DAB1: variants seen among roughly 807,000 people sequenced by gnomAD.
The protein encoded by DAB1 is DAB adaptor protein 1, also known as disabled homolog 1.
A neutral mutation model predicts 64.6 loss-of-function variants in DAB1; 15 were observed. The observed-to-expected ratio is 0.23, with a 90% CI of 0.16 to 0.36. DAB1 has a LOEUF of 0.36. Among genes scored for constraint, DAB1 ranks in the 10% least tolerant of loss-of-function variants. DAB1 has a pLI of 1.00. For synonymous variants in DAB1, 235 were observed against 251.9 expected (o/e 0.93, Z 0.64); for missense variants, 596 against 706.7 (o/e 0.84, Z 1.78).
intron 7 of DAB1, among the ~76,000 whole-genome samples, chr1:57,645,023 A>T (rs1646175680): frequency 1.3e-5 from 2 of 152,184 alleles, no homozygotes; most frequent in African/African-American, 4.8e-5. Context: ...CTGAAGGAGA[A>T]TCCAGGGAGG....
chr1:57,567,680 G>A (rs1446610849), intron 7 of DAB1, among the ~76,000 whole-genome samples: 2 of 152,234 alleles, frequency 1.3e-5, no homozygotes, highest in East Asian at 1.9e-4. Flanking sequence ...ATTCACAATT[G>A]CTTAAAGAGA....
chr1:57,662,810 T>C (rs1317942390), intron 6 of DAB1, among the ~76,000 whole-genome samples: 1 of 152,204 alleles, frequency 6.6e-6, no homozygotes, highest in Non-Finnish European at 1.5e-5. Flanking sequence ...AGATCACCTA[T>C]GGGAAATGCA....
chr1:58,278,122 C>A (rs931136270), intron 4 of DAB1, among the ~76,000 whole-genome samples: 2 of 152,210 alleles, frequency 1.3e-5, no homozygotes, highest in Non-Finnish European at 2.9e-5. Flanking sequence ...ATAATCCCCA[C>A]ATGTCGAGGG....
chr1:57,071,379 T>C, intron 6 of DAB1, 143 bp downstream of exon 6: 1 of 964,038 alleles, frequency 1.0e-6, no homozygotes, highest in Middle Eastern at 2.3e-4. Context: ...AATGGCTTGC[T>C]TTGGGTCCTG....
chr1:58,430,298 C>A (rs545296573), intron 3 of DAB1, among the ~76,000 whole-genome samples: 1 of 152,324 alleles, frequency 6.6e-6, no homozygotes, highest in South Asian at 2.1e-4. Flanking sequence ...ACTCAATAAG[C>A]TGTCTTGACA....
At chr1:57,724,125 T>C (rs1647180475) in intron 6 of DAB1, among the ~76,000 whole-genome samples, 1 of 152,036 alleles carries the variant, frequency 6.6e-6, no homozygotes, top group Non-Finnish European at 1.5e-5. Context: ...TTGTTGGTGG[T>C]AGTTCATTCT....
chr1:58,535,628 C>A (rs6667614), intron 1 of DAB1, among the ~76,000 whole-genome samples: 86,314 of 148,664 alleles, frequency 0.58, 27,290 homozygotes, highest in East Asian at 0.82. Context: ...TTCAGCCATG[C>A]CAAAGCTGTC....
At chr1:57,714,717 T>G (rs1557439099) in intron 6 of DAB1, among the ~76,000 whole-genome samples, 1 of 152,156 alleles carries the variant, frequency 6.6e-6, no homozygotes, top group African/African-American at 2.4e-5. Flanking sequence ...CATAAGGAAC[T>G]TTGTGTGTAC....
chr1:57,809,079 T>C (rs918436973), intron 6 of DAB1, among the ~76,000 whole-genome samples: 3 of 152,226 alleles, frequency 2.0e-5, no homozygotes, highest in Admixed American at 2.0e-4. Flanking sequence ...ATAAATGCAA[T>C]TTAATGCCCT....
intron 1 of DAB1, among the ~76,000 whole-genome samples, chr1:57,364,750 TAATC>T (rs1281692766): frequency 6.6e-6 from 1 of 151,508 alleles, no homozygotes; most frequent in Admixed American, 6.6e-5. Context: ...AATACAATGA[TAATC>T]AAAGTCACGA....
At chr1:58,297,090 C>T (rs995498913) in intron 4 of DAB1, among the ~76,000 whole-genome samples, 1 of 152,274 alleles carries the variant, frequency 6.6e-6, no homozygotes, top group South Asian at 2.1e-4. Flanking sequence ...TTCTCAACAA[C>T]CTTGCAAGGT....
chr1:57,595,567 T>G (rs147721488), intron 7 of DAB1, among the ~76,000 whole-genome samples: 2 of 152,222 alleles, frequency 1.3e-5, no homozygotes, highest in East Asian at 3.9e-4. Context: ...GTCCTAAGAC[T>G]CAATTGCAGG....
chr1:57,306,543 A>G (rs1431050869), intron 1 of DAB1, among the ~76,000 whole-genome samples: 1 of 123,214 alleles, frequency 8.1e-6, no homozygotes, highest in Non-Finnish European at 1.6e-5. Context: ...TTTTACACAC[A>G]TCTTATATTG....
intron 7 of DAB1, among the ~76,000 whole-genome samples, chr1:57,509,457 C>T (rs1644383637): frequency 6.6e-6 from 1 of 152,120 alleles, no homozygotes; most frequent in South Asian, 2.1e-4. Context: ...CCCAACTCCA[C>T]TCACTGCTTC....
At position 58,216,914 on chromosome 1, in the gene DAB1, C is replaced by T. The variant is rs569472490; in HGVS notation, n.310-66326G>A. Among the ~76,000 whole-genome samples the T allele has an allele frequency of 6.6e-5, 10 of 152,242 alleles. No homozygotes were observed. The South Asian group carries it at 2.1e-3, about 32-fold the overall frequency. ...TCTGATTCAGGGAAAAATCAGAAGG[C>T]TTGATGGCTTATAAAACAGTATACA... On this transcript the variant is annotated intron_variant and non_coding_transcript_variant, in intron 4 of 20. Coordinates refer to the DAB1 transcript ENST00000485760.
At chr1:58,000,886 T>A (rs1482558150) in intron 5 of DAB1, among the ~76,000 whole-genome samples, 3 of 151,802 alleles carry the variant, frequency 2.0e-5, no homozygotes, top group Non-Finnish European at 4.4e-5. Flanking sequence ...TGCCTTCTAA[T>A]CTTCCACATT....
At chr1:58,048,907 T>G in intron 5 of DAB1, 1 of 900,798 alleles carries the variant, frequency 1.1e-6, no homozygotes, top group African/African-American at 1.6e-5. Context: ...ACTTCCATTT[T>G]TCCAACTGTT....
At chr1:58,540,125 A>G (rs1230279531) in intron 1 of DAB1, among the ~76,000 whole-genome samples, 1 of 152,118 alleles carries the variant, frequency 6.6e-6, no homozygotes, top group East Asian at 1.9e-4. Flanking sequence ...TCAAAGTGGA[A>G]AACCTTATCA....
At chr1:58,389,646 G>T (rs192544097) in intron 3 of DAB1, among the ~76,000 whole-genome samples, 15 of 152,318 alleles carry the variant, frequency 9.8e-5, no homozygotes, top group Admixed American at 9.1e-4. Context: ...TTCCCTCACA[G>T]AGGTTGTCAA....
Sources: gnomAD v4.1 joint callset for allele counts (sites outside exome capture counted in the v4.1 genomes callset) on GRCh38, gnomAD v4.1.1 for gene constraint, MANE v1.5 for transcripts, NCBI Gene and HGNC (gene_info 2026-07-23, HGNC 2026-07-21) for gene names.